The following GALNT17 variants were observed in gnomAD, a reference collection of about 807,000 sequenced individuals.
The protein encoded by GALNT17 is polypeptide N-acetylgalactosaminyltransferase 17, also known as UDP-GalNAc:polypeptide N-acetylgalactosaminyltransferase-like 3.
Under a neutral mutation model 63.7 loss-of-function variants are expected in GALNT17, and 29 were observed. The observed-to-expected ratio is 0.46, with a 90% CI of 0.34 to 0.62. The LOEUF (loss-of-function observed/expected upper bound fraction) is 0.62. Ranked by LOEUF, GALNT17 falls within the 20% of genes least tolerant of loss-of-function variation. The pLI is 0.01. For synonymous variants in GALNT17, 305 were observed against 318.3 expected (o/e 0.96, Z 0.45); for missense variants, 603 against 799.6 (o/e 0.75, Z 2.97).
intron 3 of GALNT17, among the ~76,000 whole-genome samples, chr7:71,405,852 C>A (rs1190743212): frequency 6.6e-6 from 1 of 152,192 alleles, no homozygotes; most frequent in Non-Finnish European, 1.5e-5. Flanking sequence ...TGGCATTTAA[C>A]ATGAATTTTG....
At chr7:71,214,375 G>T (rs1426794694) in intron 1 of GALNT17, among the ~76,000 whole-genome samples, 2 of 152,116 alleles carry the variant, frequency 1.3e-5, no homozygotes, top group Non-Finnish European at 1.5e-5. Flanking sequence ...GAAAAGGCTT[G>T]TTTGTTACGT....
intron 6 of GALNT17, among the ~76,000 whole-genome samples, chr7:71,634,855 C>T (rs1257400258): frequency 6.6e-6 from 1 of 151,708 alleles, no homozygotes; most frequent in Non-Finnish European, 1.5e-5. Context: ...GCTTATAGGT[C>T]GATTAAAAAT....
intron 1 of GALNT17, among the ~76,000 whole-genome samples, chr7:71,259,463 A>AT (rs1790343458): frequency 6.6e-6 from 1 of 152,146 alleles, no homozygotes; most frequent in South Asian, 2.1e-4. Context: ...GCAGGGGCAG[A>AT]TATAGGGTTT....
chr7:71,141,737 C>T (rs888155698), intron 1 of GALNT17, among the ~76,000 whole-genome samples: 5 of 148,980 alleles, frequency 3.4e-5, no homozygotes, highest in South Asian at 2.1e-4. Flanking sequence ...AGTACAGTGG[C>T]ATGATCTCGG....
At chr7:71,463,537 A>C (rs2116586895) in intron 5 of GALNT17, among the ~76,000 whole-genome samples, 1 of 152,292 alleles carries the variant, frequency 6.6e-6, no homozygotes, top group Non-Finnish European at 1.5e-5. Context: ...GTGTATTAAG[A>C]AAGTAAAGGA....
chr7:71,530,091 A>G (rs1788691515), intron 5 of GALNT17, among the ~76,000 whole-genome samples: 1 of 152,224 alleles, frequency 6.6e-6, no homozygotes, highest in African/African-American at 2.4e-5. Flanking sequence ...TAACCAAGGC[A>G]GTGTCTGGCT....
chr7:71,565,888 G>T (rs1324465335), intron 5 of GALNT17, among the ~76,000 whole-genome samples: 1 of 148,702 alleles, frequency 6.7e-6, no homozygotes, highest in Admixed American at 6.8e-5. Context: ...CTTTCCCCCA[G>T]GTTGGAGTGC....
At chr7:71,542,590 G>A (rs1044365482) in intron 5 of GALNT17, among the ~76,000 whole-genome samples, 5 of 151,960 alleles carry the variant, frequency 3.3e-5, no homozygotes, top group African/African-American at 1.2e-4. Flanking sequence ...CAGCTACTCT[G>A]GAGGCTGAGA....
chr7:71,305,655 G>A (rs1791277365), intron 1 of GALNT17, among the ~76,000 whole-genome samples: 1 of 152,178 alleles, frequency 6.6e-6, no homozygotes, highest in South Asian at 2.1e-4. Flanking sequence ...CCTCCAGGAA[G>A]TTGTCATCTC....
At chr7:71,316,072 G>C (rs893536437) in intron 1 of GALNT17, among the ~76,000 whole-genome samples, 1 of 152,164 alleles carries the variant, frequency 6.6e-6, no homozygotes, top group South Asian at 2.1e-4. Flanking sequence ...CAGAGAGATT[G>C]TGTCCAGTGC....
At chr7:71,307,935 G>T (rs1791336768) in intron 1 of GALNT17, among the ~76,000 whole-genome samples, 1 of 151,680 alleles carries the variant, frequency 6.6e-6, no homozygotes, top group South Asian at 2.1e-4. Context: ...ATTAGAAAGA[G>T]GCCACACTGA....
At chr7:71,325,911 TGA>T (rs760407978) in intron 1 of GALNT17, among the ~76,000 whole-genome samples, 1 of 152,204 alleles carries the variant, frequency 6.6e-6, no homozygotes, top group Non-Finnish European at 1.5e-5. Flanking sequence ...GATGACTACC[TGA>T]GAAAACATAT....
At chr7:71,592,608 T>TAAAATAAAATAAAA (rs1285616594) in intron 6 of GALNT17, among the ~76,000 whole-genome samples, 4 of 56,860 alleles carry the variant, frequency 7.0e-5, no homozygotes, top group Admixed American at 3.4e-4. Context: ...ATAAAATAAA[T>TAAAATAAAATAAAA]AAAGCATGCA....
Position 71,388,254 on chromosome 7 carries a change from T to G in GALNT17, c.442T>G (p.Ser148Ala). Reference sequence around the variant, plus strand: ...CCCCAGGTGTAAGGAGCTCAAGTACTCCAAGGACCTGCCCCAGATATCCAT... The same window carrying G: ...CCCCAGGTGTAAGGAGCTCAAGTACGCCAAGGACCTGCCCCAGATATCCAT... ...RPTKCKELKY[S>A]KDLPQISIIF... The change falls in exon 3 of 11, where the codon TCC becomes GCC. Residue 148 changes from serine to alanine, a missense_variant. Ser to Ala is a moderately conservative substitution (Grantham distance 99). Coordinates refer to ENST00000333538, the MANE Select transcript of GALNT17 (RefSeq NM_022479.3). 1 of 1,613,824 alleles carries G rather than the reference T, an allele frequency of 6.2e-7. No homozygotes were observed. The highest frequency in any genetic ancestry group is 1.7e-4 in the Middle Eastern group (1 of 6,060).
chr7:71,261,188 G>A (rs754580367), intron 1 of GALNT17, among the ~76,000 whole-genome samples: 1 of 152,118 alleles, frequency 6.6e-6, no homozygotes, highest in African/African-American at 2.4e-5. Flanking sequence ...TCCAACGTGC[G>A]GTCACGTCTG....
intron 5 of GALNT17, among the ~76,000 whole-genome samples, chr7:71,437,548 G>A (rs1013767821): frequency 5.3e-5 from 8 of 152,142 alleles, no homozygotes; most frequent in African/African-American, 1.9e-4. Context: ...TCGGCTCTGC[G>A]TGGCCGTCCA....
At chr7:71,343,814 C>T (rs1432994098) in intron 2 of GALNT17, among the ~76,000 whole-genome samples, 1 of 151,818 alleles carries the variant, frequency 6.6e-6, no homozygotes, top group Non-Finnish European at 1.5e-5. Flanking sequence ...TATAAATAAC[C>T]CTTCTCTTTC....
chr7:71,598,837 A>C (rs1414161820), intron 6 of GALNT17, among the ~76,000 whole-genome samples: 5 of 151,208 alleles, frequency 3.3e-5, no homozygotes, highest in African/African-American at 9.7e-5. Flanking sequence ...TCAGAAGGAA[A>C]AGTACTGAGT....
intron 5 of GALNT17, among the ~76,000 whole-genome samples, chr7:71,453,138 AT>A (rs142656040): frequency 0.02 from 2,953 of 151,100 alleles, 44 homozygotes; most frequent in African/African-American, 0.029. Context: ...GTAAATAAAC[AT>A]TTTTTTTTGC....
Sources: gnomAD v4.1 joint callset for allele counts (sites outside exome capture counted in the v4.1 genomes callset) on GRCh38, gnomAD v4.1.1 for gene constraint, MANE v1.5 for transcripts, NCBI Gene and HGNC (gene_info 2026-07-23, HGNC 2026-07-21) for gene names.